Variants in FHL1 observed in about 807,000 individuals in gnomAD.
The protein encoded by FHL1 is four and a half LIM domains 1.
A neutral mutation model predicts 20.3 loss-of-function variants in FHL1; 1 was observed. The ratio of observed to expected loss-of-function variants is 0.05; its 90% confidence interval spans 0.02 to 0.23. FHL1 has a LOEUF of 0.23. FHL1 is among the 10% of genes least tolerant of loss of function. The pLI, the probability that FHL1 is intolerant of heterozygous loss-of-function variation, is 1.00. For missense variants in FHL1, 177 were observed against 234.0 expected (o/e 0.76, Z 1.59); for synonymous variants, 82 against 88.9 (o/e 0.92, Z 0.44).
intron 1 of FHL1, among the ~76,000 whole-genome samples, chrX:136,155,721 A>G (rs1237820865): frequency 1.8e-5 from 2 of 111,243 alleles, no homozygotes; most frequent in Non-Finnish European, 3.8e-5. Context: ...TATTTAAACC[A>G]CAGATTTACT....
intron 1 of FHL1, among the ~76,000 whole-genome samples, chrX:136,151,287 G>A (rs755152216): frequency 0.04 from 2,116 of 52,338 alleles, 52 homozygotes; most frequent in African/African-American, 0.09. Flanking sequence ...AGCCTGAAAT[G>A]TCGATATGCC....
At chrX:136,160,418 G>GT (rs1322811985) in intron 1 of FHL1, among the ~76,000 whole-genome samples, 1 of 111,548 alleles carries the variant, frequency 9.0e-6, no homozygotes, top group Non-Finnish European at 1.9e-5. Context: ...CGCCTGTTTA[G>GT]TTTTTTTGTT....
At chrX:136,198,655 A>G (rs2073623443) in intron 1 of FHL1, among the ~76,000 whole-genome samples, 1 of 112,267 alleles carries the variant, frequency 8.9e-6, no homozygotes, top group Non-Finnish European at 1.9e-5. Flanking sequence ...AATAGAAGCT[A>G]GGATAATTGG....
At chrX:136,186,436 C>T (rs1008280858) in intron 2 of FHL1, among the ~76,000 whole-genome samples, 8 of 111,438 alleles carry the variant, frequency 7.2e-5, no homozygotes, top group African/African-American at 2.6e-4. Flanking sequence ...CCTTTTATTC[C>T]CTCCCTTTCC....
intron 2 of FHL1, among the ~76,000 whole-genome samples, chrX:136,175,190 A>G (rs1250168603): frequency 1.8e-5 from 2 of 112,387 alleles, no homozygotes; most frequent in Non-Finnish European, 3.8e-5. Context: ...AAGACACTCA[A>G]GTTATATCAC....
chrX:136,187,945 T>C (rs1433633803), intron 2 of FHL1, among the ~76,000 whole-genome samples: 1 of 112,017 alleles, frequency 8.9e-6, no homozygotes. Flanking sequence ...TCCTTCTGCC[T>C]TGGCCTCCCA....
intron 1 of FHL1, among the ~76,000 whole-genome samples, chrX:136,199,458 C>CT (rs1253907210): frequency 8.9e-6 from 1 of 112,486 alleles, no homozygotes; most frequent in Non-Finnish European, 1.9e-5. Flanking sequence ...TGAAAGACTA[C>CT]TTTTCAGCCG....
intron 4 of FHL1, 131 bp downstream of exon 4, chrX:136,208,092 T>A: frequency 2.4e-6 from 2 of 830,096 alleles, no homozygotes; most frequent in Non-Finnish European, 3.5e-6. Context: ...ATTATTCCCG[T>A]TTTACAGATG....
intron 2 of FHL1, among the ~76,000 whole-genome samples, chrX:136,172,478 A>G (rs1029929058): frequency 3.6e-5 from 4 of 112,371 alleles, no homozygotes; most frequent in African/African-American, 6.5e-5. Flanking sequence ...GTATGGATGC[A>G]GGGGTACAGT....
At chrX:136,153,926 G>A (rs963672010) in intron 1 of FHL1, among the ~76,000 whole-genome samples, 3 of 111,730 alleles carry the variant, frequency 2.7e-5, no homozygotes, top group Middle Eastern at 4.7e-3. Context: ...GGTAGTTGGA[G>A]AACTATGCTA....
rs2148373876 is a variant in FHL1, at chrX:136,207,200, C to T, written c.379+10C>T. 1.7e-6 allele frequency: 2 copies of T among 1,192,156 alleles called. No individual in the cohort carries two copies. The highest frequency in any genetic ancestry group is 3.0e-5 in the East Asian group (1 of 33,503). ...AAGGCCATTGTGGCAGGTACTGCCTCCTTCCCACCCCGGGTTCCCAGGGAG... is the reference window on the plus strand; with the variant it reads ...AAGGCCATTGTGGCAGGTACTGCCTTCTTCCCACCCCGGGTTCCCAGGGAG... On this transcript the variant is annotated intron_variant, in intron 3 of 5. Transcript: ENST00000370683.
upstream of FHL1, among the ~76,000 whole-genome samples, chrX:136,164,983 G>T (rs2072672774): frequency 9.0e-6 from 1 of 111,228 alleles, no homozygotes; most frequent in South Asian, 3.8e-4. Flanking sequence ...AACTGGATAG[G>T]GATAATTCCT....
At chrX:136,166,805 T>A (rs2072722921), upstream of FHL1, among the ~76,000 whole-genome samples, 1 of 112,500 alleles carries the variant, frequency 8.9e-6, no homozygotes, top group Non-Finnish European at 1.9e-5. Flanking sequence ...ATTATCCACG[T>A]TTGATAACAG....
intron 2 of FHL1, among the ~76,000 whole-genome samples, chrX:136,180,899 G>A (rs1178293575): frequency 9.0e-6 from 1 of 111,110 alleles, no homozygotes; most frequent in Non-Finnish European, 1.9e-5. Flanking sequence ...TTACCACTAC[G>A]CCTGGCTAAT....
chrX:136,166,794 CATT>C (rs2072722721), upstream of FHL1, among the ~76,000 whole-genome samples: 1 of 112,500 alleles, frequency 8.9e-6, no homozygotes, highest in African/African-American at 3.2e-5. Context: ...CATGTGAAAT[CATT>C]ATCCACGTTT....
intron 1 of FHL1, among the ~76,000 whole-genome samples, chrX:136,157,403 A>G (rs964595325): frequency 8.9e-6 from 1 of 111,796 alleles, no homozygotes; most frequent in African/African-American, 3.2e-5. Flanking sequence ...AGGAAGTGAA[A>G]GTTTATACTT....
chrX:136,207,113 A>G lies in FHL1; in HGVS notation c.302A>G (p.Asn101Ser), dbSNP rs774919566. Reference protein sequence around the residue: ...LANETFVAKDNKILCNKCTTR... With the variant: ...LANETFVAKDSKILCNKCTTR... ...AATGAGACCTTTGTGGCCAAGGACA[A>G]CAAGATCCTGTGCAACAAGTGCACC... Residue 101 changes from asparagine (N) to serine (S), a missense_variant, in exon 3 of 6, where the codon AAC becomes AGC. Asn to Ser is a conservative substitution (Grantham distance 46). Transcript: ENST00000370683. 1.7e-6 allele frequency: 2 copies of G among 1,211,678 alleles called. No individual in the cohort carries two copies. The highest frequency in any genetic ancestry group is 2.2e-6 in the Non-Finnish European group (2 of 895,383).
At chrX:136,209,081 G>C (rs1232241231) in intron 5 of FHL1, 2 of 465,435 alleles carry the variant, frequency 4.3e-6, no homozygotes, top group African/African-American at 5.0e-5. Flanking sequence ...TTTTTTTTTG[G>C]TTTGCTGTTT....
intron 2 of FHL1, among the ~76,000 whole-genome samples, chrX:136,189,627 T>A (rs1355666199): frequency 1.8e-5 from 2 of 111,987 alleles, no homozygotes; most frequent in Admixed American, 1.9e-4. Flanking sequence ...GTTGCAAATA[T>A]TTACTGCTGT....
Sources: gnomAD v4.1 joint callset for allele counts (sites outside exome capture counted in the v4.1 genomes callset) on GRCh38, gnomAD v4.1.1 for gene constraint, MANE v1.5 for transcripts, NCBI Gene and HGNC (gene_info 2026-07-23, HGNC 2026-07-21) for gene names.